The following CCNYL1 variants were observed in gnomAD, a reference collection of about 807,000 sequenced individuals.
CCNYL1 encodes the protein cyclin Y like 1, also known as cyclin-Y-like protein 1.
A neutral mutation model predicts 44.2 loss-of-function variants in CCNYL1; 16 were observed. The observed-to-expected ratio is 0.36, with a 90% CI of 0.25 to 0.55. CCNYL1 has a LOEUF of 0.55. Ranked by LOEUF, CCNYL1 falls within the 20% of genes least tolerant of loss-of-function variation. CCNYL1 has a pLI of 0.85. For synonymous variants in CCNYL1, 159 were observed against 163.2 expected (o/e 0.97, Z 0.20); for missense variants, 348 against 451.8 (o/e 0.77, Z 2.08).
In CCNYL1 at chr2:207,733,275, T is replaced by C. The variant is rs186098244; in HGVS notation, c.331-672T>C. On this transcript the variant is annotated intron_variant, in intron 3 of 9. Transcript: ENST00000295414. ...AAATGGAGAGTGTTCTCTGAGGTTC[T>C]CATTTGAATAATGTAATGGCAGTTT... Among the ~76,000 whole-genome samples the C allele has an allele frequency of 1.8e-4, 28 of 152,366 alleles. No individual in the cohort carries two copies. In the East Asian group the frequency reaches 4.8e-3, roughly 26 times the overall value.
chr2:207,725,126 A>ATT (rs34595478), intron 2 of CCNYL1, among the ~76,000 whole-genome samples: 48,966 of 135,308 alleles, frequency 0.36, 9,864 homozygotes, highest in Middle Eastern at 0.54. Context: ...AGTAACATGG[A>ATT]TTTTTTTTTT....
chr2:207,753,848 T>A lies in CCNYL1; in HGVS notation c.*150T>A. 1 of 575,538 alleles carries A rather than the reference T, an allele frequency of 1.7e-6. No homozygotes were observed. Among genetic ancestry groups the A allele is most frequent in the Non-Finnish European group, 3.1e-6 (1 of 322,716 alleles). 35.7% of individuals were successfully genotyped at this position (575,538 alleles called of 1,614,324 possible). On this transcript the variant is annotated 3_prime_UTR_variant, in exon 10 of 10. Transcript: ENST00000295414. ...AGAGACTCATGGACAACAAGGATTA[T>A]ACTCCACAGGAAAGAATGGGACCTT...
intron 8 of CCNYL1, among the ~76,000 whole-genome samples, chr2:207,747,907 TTTCATTCATTCA>T (rs147302428): frequency 3.9e-5 from 6 of 152,092 alleles, no homozygotes; most frequent in East Asian, 1.9e-4. Context: ...CCTTTCTCTT[TTTCATTCATTCA>T]TTCATTCATT....
intron 3 of CCNYL1, among the ~76,000 whole-genome samples, chr2:207,728,525 A>G (rs2091697936): frequency 6.6e-6 from 1 of 152,048 alleles, no homozygotes; most frequent in African/African-American, 2.4e-5. Flanking sequence ...ATCCACCTGC[A>G]TCAGCCTTTC....
intron 5 of CCNYL1, 96 bp downstream of exon 5, chr2:207,737,542 T>G: frequency 2.1e-6 from 2 of 972,382 alleles, no homozygotes; most frequent in Non-Finnish European, 3.1e-6. Context: ...TCATAAGCTA[T>G]AGATTGCTAT....
chr2:207,718,093 A>G (rs910296074), intron 1 of CCNYL1, among the ~76,000 whole-genome samples: 1 of 151,612 alleles, frequency 6.6e-6, no homozygotes, highest in African/African-American at 2.4e-5. Flanking sequence ...TTTAATAGAG[A>G]TGGGGTTTCT....
Position 207,711,874 on chromosome 2 carries a change from G to C in CCNYL1, c.-23G>C. 7.4e-7 allele frequency: 1 copy of C among 1,359,480 alleles called. No homozygotes were observed. The highest frequency in any genetic ancestry group is 3.1e-5 in the East Asian group (1 of 32,134). The allele number at this position is 1,359,480 out of a possible 1,614,324, so 84.2% of individuals were successfully genotyped here. On this transcript the variant is annotated 5_prime_UTR_variant, in exon 1 of 10. Transcript: ENST00000295414. The stretch of plus-strand genomic sequence containing the variant: ...GAGTAGGGGGCGAGCGAAGGCGGTG[G>C]CAGAGAGGAGCGGAGGCTTCCCATG...
chr2:207,747,651 C>T (rs901470556), intron 8 of CCNYL1, among the ~76,000 whole-genome samples: 13 of 152,168 alleles, frequency 8.5e-5, no homozygotes, highest in Non-Finnish European at 1.8e-4. Context: ...CAGGTTCAAG[C>T]GATTCTCCTG....
At chr2:207,736,311 T>G (rs1053135282) in intron 4 of CCNYL1, among the ~76,000 whole-genome samples, 6 of 152,230 alleles carry the variant, frequency 3.9e-5, no homozygotes, top group African/African-American at 1.4e-4. Flanking sequence ...TTGCCTTCCC[T>G]CAATTATTTT....
At chr2:207,720,307 C>T (rs781162585) in intron 1 of CCNYL1, among the ~76,000 whole-genome samples, 2 of 151,310 alleles carry the variant, frequency 1.3e-5, no homozygotes, top group African/African-American at 4.9e-5. Context: ...GCCTTTTTTC[C>T]ACCTTTTTTT....
intron 5 of CCNYL1, among the ~76,000 whole-genome samples, chr2:207,738,402 G>A (rs999369735): frequency 5.9e-5 from 9 of 152,060 alleles, no homozygotes; most frequent in African/African-American, 2.2e-4. Context: ...TGTATTTTTA[G>A]TAGAGATGGA....
intron 4 of CCNYL1, 67 bp downstream of exon 4, chr2:207,734,114 C>G: frequency 1.0e-6 from 1 of 956,050 alleles, no homozygotes. Context: ...TCCTAGCCAT[C>G]CTCGGTAATT....
At chr2:207,719,798 A>G (rs1322835125) in intron 1 of CCNYL1, among the ~76,000 whole-genome samples, 1 of 151,888 alleles carries the variant, frequency 6.6e-6, no homozygotes, top group East Asian at 1.9e-4. Flanking sequence ...GTGTGATCAT[A>G]GCTCACTGCA....
intron 1 of CCNYL1, among the ~76,000 whole-genome samples, chr2:207,723,935 C>T (rs1465364830): frequency 6.6e-6 from 1 of 150,818 alleles, no homozygotes; most frequent in African/African-American, 2.4e-5. Context: ...ATTTTTTCCC[C>T]TCGTGACAAT....
At chr2:207,720,681 C>T (rs1011911272) in intron 1 of CCNYL1, among the ~76,000 whole-genome samples, 11 of 152,052 alleles carry the variant, frequency 7.2e-5, no homozygotes, top group African/African-American at 2.7e-4. Flanking sequence ...TCCCAGAGTG[C>T]TGGGATTACA....
At chr2:207,719,207 G>C (rs909557431) in intron 1 of CCNYL1, among the ~76,000 whole-genome samples, 1 of 152,028 alleles carries the variant, frequency 6.6e-6, no homozygotes, top group African/African-American at 2.4e-5. Context: ...TTTTGGTATG[G>C]GCTTTCCAAT....
At chr2:207,729,249 C>G (rs374421238) in intron 3 of CCNYL1, among the ~76,000 whole-genome samples, 4 of 94,170 alleles carry the variant, frequency 4.2e-5, no homozygotes, top group African/African-American at 2.5e-4. Context: ...TACTTGTCTC[C>G]GCCCCCCCCC....
chr2:207,725,525 G>C (rs2091673690), intron 2 of CCNYL1, among the ~76,000 whole-genome samples: 1 of 152,182 alleles, frequency 6.6e-6, no homozygotes, highest in African/African-American at 2.4e-5. Flanking sequence ...CTGCAGCTTG[G>C]TTTCATTTGA....
rs990910976 is a variant in CCNYL1 at position 207,740,640 on chromosome 2, A to G, written c.468-15A>G. The G allele has an allele frequency of 3.2e-6, 5 of 1,546,526 alleles. No homozygotes were observed. Among genetic ancestry groups the G allele is most frequent in the African/African-American group, 1.4e-5 (1 of 73,422 alleles). ...TCCTGAATTAACTTCTTCAATGCAT[A>G]TTCTTATTTTATAGAGATGCAAATA... On this transcript the variant is annotated splice_polypyrimidine_tract_variant and intron_variant, in intron 5 of 9. Transcript: ENST00000295414.
Sources: gnomAD v4.1 joint callset for allele counts (sites outside exome capture counted in the v4.1 genomes callset) on GRCh38, gnomAD v4.1.1 for gene constraint, MANE v1.5 for transcripts, NCBI Gene and HGNC (gene_info 2026-07-23, HGNC 2026-07-21) for gene names.